Variants in SIL1 observed in about 807,000 individuals in gnomAD.
The protein encoded by SIL1 is nucleotide exchange factor SIL1.
Under a neutral mutation model 49.1 loss-of-function variants are expected in SIL1, and 40 were observed. The observed-to-expected ratio is 0.81, with a 90% CI of 0.63 to 1.06. SIL1 has a LOEUF of 1.06. SIL1 is among the 50% of genes least tolerant of loss of function. The pLI is 0.00. For missense variants in SIL1, 500 were observed against 572.6 expected, an observed-to-expected ratio of 0.87 and a Z score of 1.29; for synonymous variants, 253 against 250.8, an observed-to-expected ratio of 1.01 and a Z score of -0.08.
At chr5:139,113,409 C>T (rs1156433377) in intron 3 of SIL1, among the ~76,000 whole-genome samples, 1 of 152,074 alleles carries the variant, frequency 6.6e-6, no homozygotes, top group Non-Finnish European at 1.5e-5. Flanking sequence ...CTCACTGGCC[C>T]CCACCTCTGA....
intron 7 of SIL1, chr5:139,014,102 A>G (rs1022257929): frequency 6.6e-6 from 1 of 152,174 alleles, no homozygotes; most frequent in Non-Finnish European, 1.5e-5. Context: ...AGATGTATTA[A>G]AGAGTCAGTT....
chr5:139,129,541 G>A (rs972504212), intron 1 of SIL1, among the ~76,000 whole-genome samples: 2 of 151,886 alleles, frequency 1.3e-5, no homozygotes, highest in African/African-American at 2.4e-5. Flanking sequence ...GCATGGTGGC[G>A]GGTGCCTGTA....
intron 3 of SIL1, among the ~76,000 whole-genome samples, chr5:139,119,455 G>T (rs1750560489): frequency 6.6e-6 from 1 of 152,200 alleles, no homozygotes; most frequent in Admixed American, 6.5e-5. Flanking sequence ...CCAGGAACTT[G>T]CCTGGTTAAA....
intron 7 of SIL1, among the ~76,000 whole-genome samples, chr5:139,009,154 G>A (rs1198161261): frequency 1.3e-5 from 2 of 150,416 alleles, no homozygotes; most frequent in Non-Finnish European, 3.0e-5. Flanking sequence ...TCCTGTATTG[G>A]GTGCATATAT....
At chr5:139,073,147 G>C (rs191190436) in intron 3 of SIL1, among the ~76,000 whole-genome samples, 1 of 152,082 alleles carries the variant, frequency 6.6e-6, no homozygotes, top group African/African-American at 2.4e-5. Flanking sequence ...TAGTATGGAG[G>C]TTCCTTTAAA....
At chr5:139,016,408 A>C (rs1768398963) in intron 7 of SIL1, among the ~76,000 whole-genome samples, 1 of 152,242 alleles carries the variant, frequency 6.6e-6, no homozygotes, top group South Asian at 2.1e-4. Flanking sequence ...GGCTGGACTT[A>C]AATGTAGACA....
chr5:139,175,312 G>A (rs563040479), intron 1 of SIL1, among the ~76,000 whole-genome samples: 24 of 152,118 alleles, frequency 1.6e-4, no homozygotes, highest in Admixed American at 1.2e-3. Flanking sequence ...CAAGAGCGAA[G>A]CTCCATCTCA....
At chr5:138,965,618 T>C (rs1481043343) in intron 7 of SIL1, among the ~76,000 whole-genome samples, 4 of 151,760 alleles carry the variant, frequency 2.6e-5, no homozygotes, top group Admixed American at 6.6e-5. Flanking sequence ...AGCACTTTCA[T>C]GGTCCTGGAA....
At chr5:139,109,583 C>G (rs559674605) in intron 3 of SIL1, among the ~76,000 whole-genome samples, 285 of 151,846 alleles carry the variant, frequency 1.9e-3, no homozygotes, top group Non-Finnish European at 3.0e-3. Flanking sequence ...ATCTGAAGCC[C>G]CTTTACCAAT....
intron 1 of SIL1, among the ~76,000 whole-genome samples, chr5:139,197,268 C>CAAA (rs11363617): frequency 1.2e-3 from 72 of 58,624 alleles, no homozygotes; most frequent in Non-Finnish European, 1.4e-3. Flanking sequence ...AACTCCGCCT[C>CAAA]AAAAAAAAAA....
chr5:139,093,409 G>C (rs1226710193), intron 3 of SIL1, among the ~76,000 whole-genome samples: 1 of 152,196 alleles, frequency 6.6e-6, no homozygotes, highest in Non-Finnish European at 1.5e-5. Flanking sequence ...TTGAACAGGT[G>C]CCGTCCACAA....
At chr5:139,088,840 C>T (rs1244210427) in intron 3 of SIL1, among the ~76,000 whole-genome samples, 25 of 152,346 alleles carry the variant, frequency 1.6e-4, no homozygotes, top group South Asian at 1.0e-3. Flanking sequence ...ATACTCACTT[C>T]AGAACTCCTC....
intron 3 of SIL1, among the ~76,000 whole-genome samples, chr5:139,110,800 T>C (rs528865945): frequency 2.0e-5 from 3 of 152,282 alleles, no homozygotes; most frequent in African/African-American, 7.2e-5. Flanking sequence ...AGAGGGAAGG[T>C]TGGAGCAGGT....
At chr5:139,155,448 T>TGAGAGAGG (rs1554136155) in intron 1 of SIL1, 1 of 125,910 alleles carries the variant, frequency 7.9e-6, no homozygotes, top group African/African-American at 2.7e-5. Flanking sequence ...GTACACAGAG[T>TGAGAGAGG]GAGAGAGAGA....
intron 7 of SIL1, among the ~76,000 whole-genome samples, chr5:138,993,452 G>C (rs755174989): frequency 2.0e-5 from 3 of 152,156 alleles, no homozygotes; most frequent in Admixed American, 6.5e-5. Context: ...ATGATGTCTA[G>C]GCCACAGCCA....
intron 3 of SIL1, among the ~76,000 whole-genome samples, chr5:139,068,954 C>T (rs1164674147): frequency 6.6e-6 from 1 of 152,070 alleles, no homozygotes; most frequent in Non-Finnish European, 1.5e-5. Context: ...TACTCAATAA[C>T]AAAAATCAGA....
intron 1 of SIL1, among the ~76,000 whole-genome samples, chr5:139,129,300 A>G (rs1210666325): frequency 6.6e-6 from 1 of 152,228 alleles, no homozygotes. Flanking sequence ...ATATATGGCC[A>G]ATTTTTGACA....
chr5:139,041,858 AAGG>A (rs1283180752), intron 5 of SIL1, among the ~76,000 whole-genome samples: 1 of 151,942 alleles, frequency 6.6e-6, no homozygotes, highest in Non-Finnish European at 1.5e-5. Flanking sequence ...TGGGGACTGT[AAGG>A]AGAAGAGGGA....
intron 7 of SIL1, among the ~76,000 whole-genome samples, chr5:138,973,201 T>TAAAAAAAAA (rs5871690): frequency 1.4e-4 from 15 of 105,374 alleles, no homozygotes; most frequent in South Asian, 1.0e-3. Context: ...TTGAAGTATT[T>TAAAAAAAAA]AAAAAAAAAA....
Sources: allele counts gnomAD v4.1 joint callset (sites outside exome capture counted in the v4.1 genomes callset), GRCh38; gene constraint gnomAD v4.1.1; transcripts MANE v1.5; gene names NCBI Gene and HGNC (gene_info 2026-07-23, HGNC 2026-07-21).